The following PRKRIP1 variants were observed in gnomAD, a reference collection of about 807,000 sequenced individuals.
PRKRIP1 encodes PRKR interacting protein 1.
A neutral mutation model predicts 29.3 loss-of-function variants in PRKRIP1; 29 were observed. The observed-to-expected ratio is 0.99, with a 90% CI of 0.74 to 1.35. PRKRIP1 has a LOEUF of 1.35. PRKRIP1 is among the 40% of genes most tolerant of loss of function. The probability of loss-of-function intolerance (pLI) is 0.00; values close to 1 mark genes in which losing one functional copy is unlikely to be tolerated. For synonymous variants in PRKRIP1, 90 were observed against 85.1 expected (o/e 1.06, Z -0.32); for missense variants, 247 against 236.8 (o/e 1.04, Z -0.28).
At chr7:102,402,580 GA>G (rs1554571310) in intron 3 of PRKRIP1, among the ~76,000 whole-genome samples, 1 of 152,138 alleles carries the variant, frequency 6.6e-6, no homozygotes, top group African/African-American at 2.4e-5. Context: ...AAATTCGTCT[GA>G]AGTTTTTATG....
Position 102,404,525 on chromosome 7 carries a change from A to G in PRKRIP1, c.307-73A>G. Reference sequence around the variant, plus strand: ...GTGGTGTGACTTCTAGAACTCTCCTACTTTGCCTGAGCAAAACCTCCCACA... The same window carrying G: ...GTGGTGTGACTTCTAGAACTCTCCTGCTTTGCCTGAGCAAAACCTCCCACA... On this transcript the variant is annotated intron_variant, in intron 3 of 5. Transcript: ENST00000397912. 24 of 1,235,692 alleles carry G rather than the reference A, an allele frequency of 1.9e-5. No homozygotes were observed. In the South Asian group the frequency reaches 2.9e-4, roughly 15 times the overall value. 76.5% of individuals were successfully genotyped at this position (1,235,692 alleles called of 1,614,324 possible). A position where few individuals can be genotyped will look rare whatever the true frequency, so the allele number is the denominator to read the frequency against.
intron 4 of PRKRIP1, among the ~76,000 whole-genome samples, chr7:102,406,263 A>G (rs903328993): frequency 1.3e-5 from 2 of 152,138 alleles, no homozygotes; most frequent in Non-Finnish European, 2.9e-5. Context: ...ACCAGCAAAC[A>G]GTGACCATGA....
At chr7:102,423,699 A>T (rs2133207670) in intron 5 of PRKRIP1, among the ~76,000 whole-genome samples, 1 of 151,854 alleles carries the variant, frequency 6.6e-6, no homozygotes, top group African/African-American at 2.4e-5. Context: ...CACCATTTAA[A>T]CTTTAAAAAA....
chr7:102,419,707 T>C (rs1796640343), intron 5 of PRKRIP1, among the ~76,000 whole-genome samples: 1 of 152,166 alleles, frequency 6.6e-6, no homozygotes, highest in South Asian at 2.1e-4. Context: ...TAATGCCCCA[T>C]TCCTTTTGCC....
At chr7:102,417,762 C>A (rs1796593646) in intron 5 of PRKRIP1, among the ~76,000 whole-genome samples, 1 of 151,844 alleles carries the variant, frequency 6.6e-6, no homozygotes, top group African/African-American at 2.4e-5. Flanking sequence ...GGCCCACAGG[C>A]ATGCACCACC....
At chr7:102,418,737 G>A (rs1159249606) in intron 5 of PRKRIP1, among the ~76,000 whole-genome samples, 8 of 152,222 alleles carry the variant, frequency 5.3e-5, no homozygotes, top group South Asian at 2.1e-4. Flanking sequence ...ATTGTTTACC[G>A]TTACCCTGGG....
At chr7:102,397,316 G>A (rs916499357) in intron 1 of PRKRIP1, among the ~76,000 whole-genome samples, 2 of 152,162 alleles carry the variant, frequency 1.3e-5, no homozygotes, top group Non-Finnish European at 2.9e-5. Flanking sequence ...GGCCAGGCGG[G>A]AGGATGGTCC....
intron 5 of PRKRIP1, among the ~76,000 whole-genome samples, chr7:102,415,077 T>G (rs1796497045): frequency 6.6e-6 from 1 of 152,050 alleles, no homozygotes; most frequent in Non-Finnish European, 1.5e-5. Context: ...ATTTTACTCT[T>G]CCTCCACATG....
chr7:102,407,854 A>G (rs1333407146), intron 5 of PRKRIP1, among the ~76,000 whole-genome samples: 2 of 152,108 alleles, frequency 1.3e-5, no homozygotes, highest in Admixed American at 6.5e-5. Flanking sequence ...TCGGGGCTAC[A>G]TCCCTCCTCG....
chr7:102,423,614 G>T (rs116276795), intron 5 of PRKRIP1, among the ~76,000 whole-genome samples: 3 of 152,048 alleles, frequency 2.0e-5, no homozygotes, highest in Non-Finnish European at 4.4e-5. Context: ...AATTAAACAG[G>T]GTACTCTATG....
rs781815142 is a variant in PRKRIP1, at chr7:102,399,649, G to A, written c.306+1G>A. 4 of 1,610,772 alleles carry A rather than the reference G, an allele frequency of 2.5e-6. No homozygotes were observed. The highest frequency in any genetic ancestry group is 3.3e-5 in the Admixed American group (2 of 60,012). The stretch of plus-strand genomic sequence containing the variant: ...CTACATGGATGCCATGGCTGAGAAG[G>A]TCAGTGAGCCAGAAGGCTGGCTGAG... On this transcript the variant is annotated splice_donor_variant, in intron 3 of 5. Coordinates refer to ENST00000397912, the MANE Select transcript of PRKRIP1 (RefSeq NM_024653.4). LOFTEE classifies it high-confidence loss of function.
intron 3 of PRKRIP1, 182 bp from the exon 4 acceptor site, chr7:102,404,416 T>C (rs1796157385): frequency 1.6e-6 from 1 of 622,890 alleles, no homozygotes; most frequent in South Asian, 1.9e-5. Context: ...GAGACCTATG[T>C]ATTGATTACC....
chr7:102,411,906 G>C (rs1796394506), intron 5 of PRKRIP1, among the ~76,000 whole-genome samples: 1 of 148,788 alleles, frequency 6.7e-6, no homozygotes, highest in South Asian at 2.1e-4. Context: ...CTAATGATTT[G>C]TGATGTTGGG....
chr7:102,399,122 A>G lies in PRKRIP1; in HGVS notation c.206-426A>G, dbSNP rs1426653660. On this transcript the variant is annotated intron_variant, in intron 2 of 5. Transcript: ENST00000397912. ...GGGTGACAGAGCAAGGCCCTGTCTC[A>G]AAAAAAAGAAAAAAGCTGAAGAAAA... Among the ~76,000 whole-genome samples the G allele has an allele frequency of 5.3e-5, 8 of 152,178 alleles. No individual in the cohort carries two copies. In the East Asian group the frequency reaches 9.6e-4, roughly 18 times the overall value.
intron 5 of PRKRIP1, among the ~76,000 whole-genome samples, chr7:102,415,977 C>T (rs534501174): frequency 6.6e-6 from 1 of 152,376 alleles, no homozygotes; most frequent in Admixed American, 6.5e-5. Context: ...GCTGCCTGTA[C>T]TCTGTTCACG....
intron 5 of PRKRIP1, among the ~76,000 whole-genome samples, chr7:102,414,561 C>A (rs1796479932): frequency 6.6e-6 from 1 of 152,106 alleles, no homozygotes; most frequent in African/African-American, 2.4e-5. Flanking sequence ...TGTCTTTCTC[C>A]CTTCCCCCTT....
intron 1 of PRKRIP1, among the ~76,000 whole-genome samples, chr7:102,397,143 A>G (rs543206011): frequency 4.6e-5 from 7 of 152,278 alleles, no homozygotes; most frequent in East Asian, 1.9e-4. Context: ...CCAAGAGTAC[A>G]TAGGATGAAA....
chr7:102,424,602 G>A (rs1448540030), intron 5 of PRKRIP1, among the ~76,000 whole-genome samples: 2 of 152,258 alleles, frequency 1.3e-5, no homozygotes, highest in African/African-American at 4.8e-5. Context: ...CTGCCACACA[G>A]GTTTCGGAAA....
At chr7:102,410,985 G>C (rs1285699478) in intron 5 of PRKRIP1, among the ~76,000 whole-genome samples, 2 of 152,216 alleles carry the variant, frequency 1.3e-5, no homozygotes, top group African/African-American at 4.8e-5. Context: ...GAGTGCAGCA[G>C]TGCAATCACG....
Sources: allele counts gnomAD v4.1 joint callset (sites outside exome capture counted in the v4.1 genomes callset), GRCh38; gene constraint gnomAD v4.1.1; transcripts MANE v1.5; gene names NCBI Gene and HGNC (gene_info 2026-07-23, HGNC 2026-07-21).